TTC7B: variants seen among roughly 807,000 people sequenced by gnomAD.
The protein encoded by TTC7B is tetratricopeptide repeat protein 7B.
Under a neutral mutation model 106.8 loss-of-function variants are expected in TTC7B, and 28 were observed. That is an observed-to-expected ratio of 0.26 (90% CI 0.19 to 0.36). TTC7B has a LOEUF of 0.36. TTC7B is among the 10% of genes least tolerant of loss of function. The pLI is 1.00. For missense variants in TTC7B, 862 were observed against 1,076.4 expected, an observed-to-expected ratio of 0.80 and a Z score of 2.79; for synonymous variants, 405 against 430.6, an observed-to-expected ratio of 0.94 and a Z score of 0.74.
chr14:90,790,612 T>C (rs928409809), intron 1 of TTC7B, among the ~76,000 whole-genome samples: 1 of 151,494 alleles, frequency 6.6e-6, no homozygotes, highest in African/African-American at 2.4e-5. Context: ...CCTCCTCGCC[T>C]CCCTGCCACA....
intron 15 of TTC7B, among the ~76,000 whole-genome samples, chr14:90,639,767 C>A (rs1362478043): frequency 6.6e-6 from 1 of 152,146 alleles, no homozygotes; most frequent in Non-Finnish European, 1.5e-5. Context: ...GAAAACAACC[C>A]ACGTATCTAT....
At position 90,541,503 on chromosome 14, in the gene TTC7B, C is replaced by T. The variant is rs769207289; in HGVS notation, c.2397G>A (p.Glu799=). The change falls in exon 20 of 20, where the codon GAG becomes GAA. Residue 799 remains glutamate, a synonymous_variant. Coordinates refer to ENST00000328459, the MANE Select transcript of TTC7B (RefSeq NM_001010854.2). ...GGACCTCGCCCAGCCCGTTCCAGAC[C>T]TCGTGGGCTGTCGAGTTCACCTGCA... is the stretch of plus-strand genomic sequence containing the variant. ...DAVQVNSTAH[E]VWNGLGEVLQ... 3 of 1,613,988 alleles carry T rather than the reference C, an allele frequency of 1.9e-6. No homozygotes were observed. The highest frequency in any genetic ancestry group is 2.5e-6 in the Non-Finnish European group (3 of 1,179,996).
intron 17 of TTC7B, among the ~76,000 whole-genome samples, chr14:90,604,092 C>T (rs1349200403): frequency 6.6e-6 from 1 of 152,156 alleles, no homozygotes; most frequent in Non-Finnish European, 1.5e-5. Flanking sequence ...TCTTCAAAGG[C>T]TTACAGGATC....
intron 1 of TTC7B, among the ~76,000 whole-genome samples, chr14:90,810,382 A>G (rs559200708): frequency 3.9e-5 from 6 of 152,318 alleles, no homozygotes; most frequent in Non-Finnish European, 7.4e-5. Flanking sequence ...GTTACCCCCC[A>G]TAGGAAGCAG....
At chr14:90,777,396 A>C (rs1891067829) in intron 3 of TTC7B, among the ~76,000 whole-genome samples, 1 of 152,020 alleles carries the variant, frequency 6.6e-6, no homozygotes, top group Non-Finnish European at 1.5e-5. Flanking sequence ...TGGGGTTTGG[A>C]GAGTTAAAGA....
chr14:90,572,143 T>C (rs912020646), intron 19 of TTC7B, among the ~76,000 whole-genome samples: 7 of 152,202 alleles, frequency 4.6e-5, no homozygotes, highest in African/African-American at 1.4e-4. Context: ...CTCACCTTTT[T>C]CCCTCGATTC....
At chr14:90,641,316 G>A (rs978696150) in intron 15 of TTC7B, among the ~76,000 whole-genome samples, 2 of 152,238 alleles carry the variant, frequency 1.3e-5, no homozygotes, top group Admixed American at 6.5e-5. Flanking sequence ...CAGGTGGACA[G>A]AGCTGACCCT....
chr14:90,732,465 C>A (rs185450333), intron 4 of TTC7B, among the ~76,000 whole-genome samples: 10 of 152,304 alleles, frequency 6.6e-5, no homozygotes, highest in Non-Finnish European at 8.8e-5. Flanking sequence ...GCAGCCTCAA[C>A]CTCGCAGGCT....
At chr14:90,713,874 T>A (rs1325480095) in intron 5 of TTC7B, among the ~76,000 whole-genome samples, 2 of 152,210 alleles carry the variant, frequency 1.3e-5, no homozygotes, top group Admixed American at 6.5e-5. Context: ...TAAAAAGGAA[T>A]GACCTGCTGA....
intron 6 of TTC7B, among the ~76,000 whole-genome samples, chr14:90,690,744 G>A (rs939736261): frequency 2.0e-5 from 3 of 152,172 alleles, no homozygotes; most frequent in African/African-American, 4.8e-5. Context: ...AAAGACTGCT[G>A]ATCTTCTGAG....
At chr14:90,617,402 T>A (rs780275565) in intron 16 of TTC7B, among the ~76,000 whole-genome samples, 1 of 152,236 alleles carries the variant, frequency 6.6e-6, no homozygotes, top group Non-Finnish European at 1.5e-5. Context: ...GGTTCCTGCA[T>A]TAGTTAATAA....
rs367967837 is a variant in TTC7B, at chr14:90,565,050, C to T, written c.2310+13056G>A. On this transcript the variant is annotated intron_variant, in intron 19 of 19. Transcript: ENST00000328459. ...TATGTTATGAGACAGCTTCTTAAAC[C>T]TCATGAACTAACGTCTGCTAGCTTC... 9.8e-5 allele frequency among the ~76,000 whole-genome samples: 15 copies of T among 152,342 alleles called. No individual in the cohort carries two copies. The East Asian group carries it at 1.5e-3, about 16-fold the overall frequency.
At chr14:90,579,282 C>A (rs376847960) in intron 18 of TTC7B, among the ~76,000 whole-genome samples, 2 of 152,230 alleles carry the variant, frequency 1.3e-5, no homozygotes, top group African/African-American at 4.8e-5. Context: ...CAGAGCCTCA[C>A]GCAGAGGCCG....
In TTC7B at chr14:90,578,754, C is replaced by A. The variant is rs1439362293; in HGVS notation, c.2108-446G>T. Among the ~76,000 whole-genome samples, 1 of 152,012 alleles carries A rather than the reference C, an allele frequency of 6.6e-6. No individual in the cohort carries two copies. Among genetic ancestry groups the A allele is most frequent in the African/African-American group, 2.4e-5 (1 of 41,404 alleles). On this transcript the variant is annotated intron_variant, in intron 18 of 19. Transcript: ENST00000328459. This position sits in a 1 kb window ranked among gnomAD's most constrained non-coding sequence, Gnocchi z 4.7. Reference sequence around the variant, plus strand: ...GAGGGCAACGGCTCTGCCCTCTGACCCACTCTCCTGATGCCAAGAAGTATG... The same window carrying A: ...GAGGGCAACGGCTCTGCCCTCTGACACACTCTCCTGATGCCAAGAAGTATG...
intron 3 of TTC7B, among the ~76,000 whole-genome samples, chr14:90,756,449 A>AATGGCGC (rs1329700374): frequency 1.4e-5 from 2 of 147,446 alleles, no homozygotes; most frequent in South Asian, 4.2e-4. Flanking sequence ...GCTGGAGTGC[A>AATGGCGC]ATGGCGCGAT....
chr14:90,666,523 GA>G (rs1029617743), intron 9 of TTC7B, among the ~76,000 whole-genome samples: 1 of 152,186 alleles, frequency 6.6e-6, no homozygotes, highest in African/African-American at 2.4e-5. Flanking sequence ...CTATCTACAG[GA>G]GCCTGGGTCC....
In TTC7B at chr14:90,530,698, C is replaced by G. The variant is rs1298110387; in HGVS notation, c.*10670G>C. 1 of 152,164 alleles carries G rather than the reference C, an allele frequency of 6.6e-6. No individual in the cohort carries two copies. The highest frequency in any genetic ancestry group is 1.9e-4 in the East Asian group (1 of 5,184). 9.4% of individuals were successfully genotyped at this position (152,164 alleles called of 1,614,324 possible). ...GAACATGGCCATGAGCCAAGCACAC[C>G]CCTGAGAAACTGGAAAGGGCAAAGT... On this transcript the variant is annotated 3_prime_UTR_variant, in exon 20 of 20. Coordinates refer to ENST00000328459, the MANE Select transcript of TTC7B (RefSeq NM_001010854.2).
chr14:90,672,159 G>A (rs191125131), intron 9 of TTC7B, among the ~76,000 whole-genome samples: 1 of 152,310 alleles, frequency 6.6e-6, no homozygotes, highest in African/African-American at 2.4e-5. Flanking sequence ...AATGCTGGTT[G>A]GGGACAAGAG....
In TTC7B at chr14:90,657,129, C is replaced by T. The variant is rs1221194487; in HGVS notation, c.1341+45G>A. ...ACATGAAAAAAATGGGCAGTCCTGG[C>T]CCAGAGTCCTCTGCAGGAGCGGGGA... is the stretch of plus-strand genomic sequence containing the variant. On this transcript the variant is annotated intron_variant, in intron 11 of 19. Transcript: ENST00000328459. This position sits in a 1 kb window ranked among gnomAD's most constrained non-coding sequence, Gnocchi z 4.2. The T allele has an allele frequency of 6.5e-6, 10 of 1,546,604 alleles. No individual in the cohort carries two copies. The highest frequency in any genetic ancestry group is 3.4e-4 in the Middle Eastern group (2 of 5,904).
Sources: allele counts gnomAD v4.1 joint callset (sites outside exome capture counted in the v4.1 genomes callset), GRCh38; gene constraint gnomAD v4.1.1; non-coding constraint Gnocchi (gnomAD v3.1); transcripts MANE v1.5; gene names NCBI Gene and HGNC (gene_info 2026-07-23, HGNC 2026-07-21).